The following CAMKK1 variants were observed in gnomAD, a reference collection of about 807,000 sequenced individuals.
The protein encoded by CAMKK1 is calcium/calmodulin-dependent protein kinase kinase 1.
A neutral mutation model predicts 63.5 loss-of-function variants in CAMKK1; 20 were observed. The observed-to-expected ratio is 0.32, with a 90% CI of 0.22 to 0.46. The LOEUF is 0.46. Ranked by LOEUF, CAMKK1 falls within the 20% of genes least tolerant of loss-of-function variation. The pLI, the probability that CAMKK1 is intolerant of heterozygous loss-of-function variation, is 1.00. For missense variants in CAMKK1, 588 were observed against 658.1 expected (o/e 0.89, Z 1.17); for synonymous variants, 253 against 269.0 (o/e 0.94, Z 0.58).
rs2143761023 is a variant in CAMKK1, at chr17:3,860,438, A to G, written c.*1773T>C. 1 of 152,736 alleles carries G rather than the reference A, an allele frequency of 6.5e-6. No individual in the cohort carries two copies. Among genetic ancestry groups the G allele is most frequent in the Non-Finnish European group, 1.5e-5 (1 of 68,042 alleles). 9.5% of individuals were successfully genotyped at this position (152,736 alleles called of 1,614,324 possible). ...GCTTGTGCTACATTCAAAAACAACGATGCCAACCAAAACCCTCAGTGACAG... is the reference window on the plus strand; with the variant it reads ...GCTTGTGCTACATTCAAAAACAACGGTGCCAACCAAAACCCTCAGTGACAG... On this transcript the variant is annotated 3_prime_UTR_variant, in exon 16 of 16. Transcript: ENST00000348335.
At chr17:3,891,520 C>A (rs2055902811) in intron 1 of CAMKK1, among the ~76,000 whole-genome samples, 1 of 152,072 alleles carries the variant, frequency 6.6e-6, no homozygotes, top group Non-Finnish European at 1.5e-5. Flanking sequence ...GGTGCAGGGA[C>A]CAGCAGGTGC....
At chr17:3,878,102 C>T (rs1363109587) in intron 9 of CAMKK1, among the ~76,000 whole-genome samples, 1 of 152,228 alleles carries the variant, frequency 6.6e-6, no homozygotes, top group Non-Finnish European at 1.5e-5. Context: ...TCAGCAAGGT[C>T]TGTGAGCTCA....
At chr17:3,888,723 C>G (rs1011208806) in intron 1 of CAMKK1, among the ~76,000 whole-genome samples, 2 of 152,216 alleles carry the variant, frequency 1.3e-5, no homozygotes, top group African/African-American at 4.8e-5. Context: ...TCAGGCTCCC[C>G]ATCCCTCCCT....
chr17:3,866,043 G>A (rs1390116246), intron 14 of CAMKK1, 32 bp from the exon 15 acceptor site: 1 of 1,609,266 alleles, frequency 6.2e-7, no homozygotes, highest in African/African-American at 1.3e-5. Context: ...GAGGAGCACA[G>A]GTCCCAGGCT....
chr17:3,865,045 C>G (rs1005389455), intron 15 of CAMKK1: 12 of 858,510 alleles, frequency 1.4e-5, no homozygotes, highest in Non-Finnish European at 1.7e-5. Flanking sequence ...TTCCCCAAAG[C>G]TTCCCTCCGG....
chr17:3,870,459 A>G (rs7218806), intron 12 of CAMKK1, among the ~76,000 whole-genome samples: 18,286 of 151,282 alleles, frequency 0.12, 1,616 homozygotes, highest in East Asian at 0.27. Context: ...TCCGCCTCCC[A>G]GGTTCATGCC....
intron 14 of CAMKK1, among the ~76,000 whole-genome samples, chr17:3,868,165 G>GGATC (rs1567613230): frequency 1.3e-4 from 1 of 7,486 alleles, no homozygotes. Context: ...TAACTGATAC[G>GGATC]TGGGCTCTGG....
At position 3,861,832 on chromosome 17, in the gene CAMKK1, C is replaced by T. The variant is rs565359012; in HGVS notation, c.*379G>A. The T allele has an allele frequency of 1.1e-5, 3 of 271,274 alleles. No individual in the cohort carries two copies. Among genetic ancestry groups the T allele is most frequent in the Non-Finnish European group, 1.5e-5 (2 of 137,688 alleles). The allele number at this position is 271,274 out of a possible 1,614,324, so 16.8% of individuals were successfully genotyped here. A position where few individuals can be genotyped will look rare whatever the true frequency, so the allele number is the denominator to read the frequency against. On this transcript the variant is annotated 3_prime_UTR_variant, in exon 16 of 16. Coordinates refer to ENST00000348335, the MANE Select transcript of CAMKK1 (RefSeq NM_032294.3). Reference sequence around the variant, plus strand: ...CCCGGCCCCAGCGGGAGGTCTCTTCCGTTGTGGTAAGCCTGGCCTCCACCT... The same window carrying T: ...CCCGGCCCCAGCGGGAGGTCTCTTCTGTTGTGGTAAGCCTGGCCTCCACCT...
In CAMKK1 at chr17:3,860,453, C is replaced by T. The variant is rs555549847; in HGVS notation, c.*1758G>A. The T allele has an allele frequency of 6.5e-6, 1 of 152,744 alleles. No homozygotes were observed. Among genetic ancestry groups the T allele is most frequent in the South Asian group, 2.1e-4 (1 of 4,830 alleles). The allele number at this position is 152,744 out of a possible 1,614,324, so 9.5% of individuals were successfully genotyped here. Reference sequence around the variant, plus strand: ...AAAAACAACGATGCCAACCAAAACCCTCAGTGACAGGGTGAGCATCCCACC... The same window carrying T: ...AAAAACAACGATGCCAACCAAAACCTTCAGTGACAGGGTGAGCATCCCACC... On this transcript the variant is annotated 3_prime_UTR_variant, in exon 16 of 16. Transcript: ENST00000348335.
At position 3,879,420 on chromosome 17, in the gene CAMKK1, C is replaced by T. The variant is rs932274864; in HGVS notation, c.796+926G>A. On this transcript the variant is annotated intron_variant, in intron 9 of 15. Transcript: ENST00000348335. The surrounding 1 kb of genome is among the most constrained non-coding windows in gnomAD (Gnocchi z 4.5). ...GGCACAAATCCCATCACGCCCCTCC[C>T]CATGCTTAAAGCTCTCAGGGCCTCA... 1 of 152,694 alleles carries T rather than the reference C, an allele frequency of 6.5e-6. No homozygotes were observed. The highest frequency in any genetic ancestry group is 2.1e-4 in the South Asian group (1 of 4,846). The allele number at this position is 152,694 out of a possible 1,614,324, so 9.5% of individuals were successfully genotyped here.
chr17:3,862,163 G>A lies in CAMKK1; in HGVS notation c.*48C>T. Reference sequence around the variant, plus strand: ...GTTGCATGAGGGGTGGGCCTCTGGAGGCGCGGGATGAGTGTGCTGCCGGGT... The same window carrying A: ...GTTGCATGAGGGGTGGGCCTCTGGAAGCGCGGGATGAGTGTGCTGCCGGGT... On this transcript the variant is annotated 3_prime_UTR_variant, in exon 16 of 16. Coordinates refer to ENST00000348335, the MANE Select transcript of CAMKK1 (RefSeq NM_032294.3). The surrounding 1 kb of genome is among the most constrained non-coding windows in gnomAD (Gnocchi z 4.1). 6.6e-7 allele frequency: 1 copy of A among 1,505,230 alleles called. No homozygotes were observed. Among genetic ancestry groups the A allele is most frequent in the Non-Finnish European group, 9.0e-7 (1 of 1,109,456 alleles). 93.2% of individuals were successfully genotyped at this position (1,505,230 alleles called of 1,614,324 possible).
rs938585188 is a variant in CAMKK1, at chr17:3,884,012, G to C, written c.409-75C>G. 9.9e-5 allele frequency: 142 copies of C among 1,434,202 alleles called. No individual in the cohort carries two copies. The highest frequency in any genetic ancestry group is 1.7e-4 in the Middle Eastern group (1 of 5,756). The allele number at this position is 1,434,202 out of a possible 1,614,324, so 88.8% of individuals were successfully genotyped here. A position where few individuals can be genotyped will look rare whatever the true frequency, so the allele number is the denominator to read the frequency against. ...GGACCAGCTCAGGAGGTGGGGAGCCGAGCAGCTCTGGTCTCTCCTGCACCC... is the reference window on the plus strand; with the variant it reads ...GGACCAGCTCAGGAGGTGGGGAGCCCAGCAGCTCTGGTCTCTCCTGCACCC... On this transcript the variant is annotated intron_variant, in intron 3 of 15. Coordinates refer to ENST00000348335, the MANE Select transcript of CAMKK1 (RefSeq NM_032294.3). This position sits in a 1 kb window ranked among gnomAD's most constrained non-coding sequence, Gnocchi z 4.5.
chr17:3,880,492 AG>A lies in CAMKK1; in HGVS notation c.708-59del. 4 of 1,417,840 alleles carry A rather than the reference AG, an allele frequency of 2.8e-6. No individual in the cohort carries two copies. In the South Asian group the frequency reaches 4.8e-5, roughly 17 times the overall value. The allele number at this position is 1,417,840 out of a possible 1,614,324, so 87.8% of individuals were successfully genotyped here. A position where few individuals can be genotyped will look rare whatever the true frequency, so the allele number is the denominator to read the frequency against. Reference sequence around the variant, plus strand: ...CTGAAATCAGGGCACCCGGCCATTCAGGTGGTCGGGACGTCCCGGGAAACCT... The same window carrying A: ...CTGAAATCAGGGCACCCGGCCATTCAGTGGTCGGGACGTCCCGGGAAACCT... On this transcript the variant is annotated intron_variant, in intron 8 of 15. Coordinates refer to ENST00000348335, the MANE Select transcript of CAMKK1 (RefSeq NM_032294.3).
At position 3,885,361 on chromosome 17, in the gene CAMKK1, G is replaced by A; in HGVS notation, c.327C>T (p.Ile109=). 4 of 1,605,090 alleles carry A rather than the reference G, an allele frequency of 2.5e-6. No homozygotes were observed. Among genetic ancestry groups the A allele is most frequent in the Non-Finnish European group, 2.6e-6 (3 of 1,174,550 alleles). Residue 109 remains isoleucine, a synonymous_variant, in exon 2 of 16, where the codon ATC becomes ATT. Coordinates refer to ENST00000348335, the MANE Select transcript of CAMKK1 (RefSeq NM_032294.3). ...ISPRAWRRPT[I]ESHHVAISDA... is the part of the protein sequence containing the mutation. ...CTGAGATGGCCACGTGGTGGGACTC[G>A]ATGGTGGGCCTCCGCCAGGCCCGGG... is the stretch of plus-strand genomic sequence containing the variant.
chr17:3,872,222 G>A (rs568289856), intron 12 of CAMKK1, among the ~76,000 whole-genome samples: 2 of 152,328 alleles, frequency 1.3e-5, no homozygotes, highest in African/African-American at 4.8e-5. Flanking sequence ...CTGAGTGGGG[G>A]AAGGAGAAGT....
chr17:3,888,964 A>G (rs1160107666), intron 1 of CAMKK1, among the ~76,000 whole-genome samples: 2 of 151,930 alleles, frequency 1.3e-5, no homozygotes, highest in East Asian at 3.9e-4. Flanking sequence ...AGCGCACTGC[A>G]TGGAGATGAA....
rs533016577 is a variant in CAMKK1 at position 3,884,634 on chromosome 17, T to C, written c.361-207A>G. The stretch of plus-strand genomic sequence containing the variant: ...AAGACGTGGCTCATGTTTGAAAACA[T>C]GGATGGTGACGCCATGGCTGTGCCT... On this transcript the variant is annotated intron_variant, in intron 2 of 15. Coordinates refer to ENST00000348335, the MANE Select transcript of CAMKK1 (RefSeq NM_032294.3). The surrounding 1 kb of genome is among the most constrained non-coding windows in gnomAD (Gnocchi z 4.5). Among the ~76,000 whole-genome samples the C allele has an allele frequency of 3.3e-5, 5 of 152,302 alleles. 1 individual carries two copies. In the East Asian group the frequency reaches 5.8e-4, roughly 18 times the overall value.
intron 14 of CAMKK1, among the ~76,000 whole-genome samples, chr17:3,867,272 G>A (rs1473189945): frequency 6.6e-6 from 1 of 152,222 alleles, no homozygotes; most frequent in Non-Finnish European, 1.5e-5. Context: ...TCCCCGGGCA[G>A]AGGGAAGCGA....
intron 12 of CAMKK1, among the ~76,000 whole-genome samples, chr17:3,870,227 G>A (rs540706084): frequency 6.6e-6 from 1 of 152,222 alleles, no homozygotes; most frequent in African/African-American, 2.4e-5. Context: ...TTTGACAGAG[G>A]AGGAAACTGA....
Sources: allele counts gnomAD v4.1 joint callset (sites outside exome capture counted in the v4.1 genomes callset), GRCh38; gene constraint gnomAD v4.1.1; non-coding constraint Gnocchi (gnomAD v3.1); transcripts MANE v1.5; gene names NCBI Gene and HGNC (gene_info 2026-07-23, HGNC 2026-07-21).